KAZN: variants seen among roughly 807,000 people sequenced by gnomAD.
The protein encoded by KAZN is kazrin, periplakin interacting protein, also known as kazrin.
In KAZN, 40 loss-of-function variants were observed where a neutral mutation model predicts 87.4. That is an observed-to-expected ratio of 0.46 (90% CI 0.36 to 0.60). The LOEUF (loss-of-function observed/expected upper bound fraction) is 0.60, where lower values mean the gene tolerates loss of function less well. KAZN is among the 20% of genes least tolerant of loss of function. The probability of loss-of-function intolerance (pLI) is 0.00; values close to 1 mark genes in which losing one functional copy is unlikely to be tolerated. For missense variants in KAZN, 898 were observed against 1,073.9 expected, an observed-to-expected ratio of 0.84 and a Z score of 2.29; for synonymous variants, 466 against 458.3, an observed-to-expected ratio of 1.02 and a Z score of -0.22.
At chr1:14,722,002 A>T (rs1643133948) in intron 1 of KAZN, among the ~76,000 whole-genome samples, 1 of 152,046 alleles carries the variant, frequency 6.6e-6, no homozygotes, top group African/African-American at 2.4e-5. Context: ...TAAAAATATA[A>T]AAATTAGCCA....
At chr1:14,309,166 T>C (rs1056228379) in intron 2 of KAZN, among the ~76,000 whole-genome samples, 2 of 152,122 alleles carry the variant, frequency 1.3e-5, no homozygotes, top group African/African-American at 4.8e-5. Context: ...GAATTTAGGC[T>C]AGAAGAAGAA....
At chr1:13,971,673 T>C (rs1319017130) in intron 1 of KAZN, among the ~76,000 whole-genome samples, 1 of 152,072 alleles carries the variant, frequency 6.6e-6, no homozygotes, top group African/African-American at 2.4e-5. Context: ...TGAAGCTGTG[T>C]CTCCACCAAA....
intron 2 of KAZN, among the ~76,000 whole-genome samples, chr1:14,526,382 T>C (rs1671866819): frequency 1.3e-5 from 2 of 152,166 alleles, no homozygotes; most frequent in Non-Finnish European, 1.5e-5. Flanking sequence ...GAGCCAGTCA[T>C]GCATCAGAGG....
intron 1 of KAZN, among the ~76,000 whole-genome samples, chr1:14,861,048 T>C (rs1203741997): frequency 6.6e-6 from 1 of 152,148 alleles, no homozygotes; most frequent in Non-Finnish European, 1.5e-5. Context: ...AGAATAGTAT[T>C]AGGTGGTGCC....
Position 14,895,850 on chromosome 1 carries a change from C to T in KAZN, c.227-64834C>T, listed in dbSNP as rs1572758395. ...TATAGTTAGGTCAGTTCAGGGTACC[C>T]GAGGACAGAGAATAAAAGCAAACAA... On this transcript the variant is annotated intron_variant, in intron 1 of 14. Transcript: ENST00000376030. Among the ~76,000 whole-genome samples the T allele has an allele frequency of 2.0e-5, 3 of 152,224 alleles. No individual in the cohort carries two copies. In the South Asian group the frequency reaches 6.2e-4, roughly 32 times the overall value.
intron 1 of KAZN, among the ~76,000 whole-genome samples, chr1:14,671,622 G>A (rs1000390749): frequency 2.0e-5 from 3 of 152,002 alleles, no homozygotes; most frequent in Non-Finnish European, 4.4e-5. Context: ...ATTTCCCCCC[G>A]TGGGCAAAGG....
At chr1:13,933,719 G>A (rs1410598876) in intron 1 of KAZN, among the ~76,000 whole-genome samples, 1 of 152,160 alleles carries the variant, frequency 6.6e-6, no homozygotes, top group Admixed American at 6.5e-5. Context: ...ATCATTCATC[G>A]AGTACTTGCT....
intron 1 of KAZN, among the ~76,000 whole-genome samples, chr1:14,048,567 C>G (rs1043464395): frequency 6.6e-6 from 1 of 152,012 alleles, no homozygotes; most frequent in Non-Finnish European, 1.5e-5. Flanking sequence ...CCATGCCCAG[C>G]CAATTTTCAT....
At chr1:14,361,252 T>G (rs1278435831) in intron 2 of KAZN, among the ~76,000 whole-genome samples, 2 of 152,222 alleles carry the variant, frequency 1.3e-5, no homozygotes, top group Non-Finnish European at 2.9e-5. Context: ...AACCGCCTAC[T>G]CAAGCCTCAG....
chr1:15,105,318 G>A (rs974980083), intron 13 of KAZN, among the ~76,000 whole-genome samples: 3 of 152,162 alleles, frequency 2.0e-5, no homozygotes, highest in Admixed American at 1.3e-4. Flanking sequence ...GAAGCTTTTT[G>A]ACTTCTAATT....
intron 1 of KAZN, among the ~76,000 whole-genome samples, chr1:14,121,192 C>T (rs1644744505): frequency 6.6e-6 from 1 of 152,168 alleles, no homozygotes; most frequent in South Asian, 2.1e-4. Flanking sequence ...TATAGCTTGT[C>T]ATATATGAGT....
At chr1:14,172,711 T>C (rs1645981322) in intron 1 of KAZN, among the ~76,000 whole-genome samples, 1 of 152,240 alleles carries the variant, frequency 6.6e-6, no homozygotes, top group South Asian at 2.1e-4. Context: ...TGGGATGACT[T>C]GAATCATTGA....
intron 1 of KAZN, among the ~76,000 whole-genome samples, chr1:14,092,706 T>C (rs555761859): frequency 8.6e-5 from 13 of 151,942 alleles, no homozygotes; most frequent in African/African-American, 3.1e-4. Flanking sequence ...TAACCATCTA[T>C]TTGTGCAGAA....
chr1:14,570,802 A>G (rs1004193397), intron 2 of KAZN, among the ~76,000 whole-genome samples: 1 of 152,220 alleles, frequency 6.6e-6, no homozygotes, highest in Non-Finnish European at 1.5e-5. Flanking sequence ...AGAAATTACC[A>G]AACTGTTTTT....
chr1:15,112,425 A>G lies in KAZN; in HGVS notation c.2049-2A>G, dbSNP rs1254417858. On this transcript the variant is annotated splice_acceptor_variant, in intron 13 of 14. Transcript: ENST00000376030. LOFTEE classifies it high-confidence loss of function. ...GCTGACTCAAAATGGTCCTCTCTTC[A>G]GCTCCACAGGCATCCGGGAGGCTGA... 6.3e-7 allele frequency: 1 copy of G among 1,584,748 alleles called. No individual in the cohort carries two copies. The highest frequency in any genetic ancestry group is 8.6e-7 in the Non-Finnish European group (1 of 1,165,000).
intron 1 of KAZN, among the ~76,000 whole-genome samples, chr1:14,845,691 G>A (rs1442482105): frequency 6.6e-6 from 1 of 152,162 alleles, no homozygotes; most frequent in Non-Finnish European, 1.5e-5. Context: ...GTTCCTTATG[G>A]TGGTAATAGG....
chr1:14,788,210 C>T (rs1645568865), intron 1 of KAZN, among the ~76,000 whole-genome samples: 1 of 152,198 alleles, frequency 6.6e-6, no homozygotes, highest in African/African-American at 2.4e-5. Context: ...CTACCCCCAG[C>T]CCCAAACGCA....
intron 1 of KAZN, among the ~76,000 whole-genome samples, chr1:14,089,745 A>G (rs1643932326): frequency 6.6e-6 from 1 of 152,188 alleles, no homozygotes; most frequent in Admixed American, 6.5e-5. Context: ...ATTCCGCTAC[A>G]TGATTGACCT....
chr1:14,681,181 C>G (rs1640546956), intron 1 of KAZN, among the ~76,000 whole-genome samples: 1 of 152,216 alleles, frequency 6.6e-6, no homozygotes, highest in Admixed American at 6.5e-5. Flanking sequence ...ACTTCCAACA[C>G]TGGGGGTTAC....
Sources: allele counts gnomAD v4.1 joint callset (sites outside exome capture counted in the v4.1 genomes callset), GRCh38; gene constraint gnomAD v4.1.1; transcripts MANE v1.5; gene names NCBI Gene and HGNC (gene_info 2026-07-23, HGNC 2026-07-21).